Variants in FAM83B observed in about 807,000 individuals in gnomAD.
The protein encoded by FAM83B is scaffolding CK1 anchoring protein B, also known as protein FAM83B.
FAM83B carries 26 observed loss-of-function variants against 38.8 expected under a neutral mutation model. That is an observed-to-expected ratio of 0.67 (90% CI 0.49 to 0.93). The LOEUF (loss-of-function observed/expected upper bound fraction) is 0.93. FAM83B is among the 40% of genes least tolerant of loss of function. The pLI, the probability that FAM83B is intolerant of heterozygous loss-of-function variation, is 0.00. For synonymous variants in FAM83B, 419 were observed against 423.1 expected (o/e 0.99, Z 0.12); for missense variants, 1,237 against 1,197.3 (o/e 1.03, Z -0.49).
chr6:54,936,179 A>G (rs1363026607), intron 4 of FAM83B, among the ~76,000 whole-genome samples: 1 of 152,154 alleles, frequency 6.6e-6, no homozygotes, highest in East Asian at 1.9e-4. Context: ...TACTGAATAT[A>G]TTCAATGAAT....
chr6:54,899,509 G>A (rs239846), intron 2 of FAM83B, among the ~76,000 whole-genome samples: 30,358 of 152,132 alleles, frequency 0.2, 3,447 homozygotes, highest in African/African-American at 0.31. Flanking sequence ...CATAAGCAGA[G>A]CAGCTTTTAA....
At chr6:54,865,028 TTTAC>T (rs1195164627) in intron 1 of FAM83B, among the ~76,000 whole-genome samples, 3 of 152,234 alleles carry the variant, frequency 2.0e-5, no homozygotes, top group Non-Finnish European at 4.4e-5. Flanking sequence ...AAATGGTAAA[TTTAC>T]TTGGTAATTT....
chr6:54,848,735 G>A (rs920257671), intron 1 of FAM83B, among the ~76,000 whole-genome samples: 1 of 152,280 alleles, frequency 6.6e-6, no homozygotes, highest in South Asian at 2.1e-4. Flanking sequence ...TTGCCAAAAT[G>A]TAATGTTATT....
intron 2 of FAM83B, among the ~76,000 whole-genome samples, chr6:54,906,921 A>G (rs893096764): frequency 6.6e-6 from 1 of 152,190 alleles, no homozygotes; most frequent in Non-Finnish European, 1.5e-5. Flanking sequence ...TGTCTAATAT[A>G]TATTTGTGAA....
intron 2 of FAM83B, among the ~76,000 whole-genome samples, chr6:54,917,498 C>G (rs1203925143): frequency 1.3e-5 from 2 of 151,898 alleles, no homozygotes; most frequent in African/African-American, 4.8e-5. Flanking sequence ...TTAATGCATA[C>G]CTATATTCAT....
chr6:54,883,006 C>T (rs9382391), intron 2 of FAM83B, among the ~76,000 whole-genome samples: 44,585 of 152,030 alleles, frequency 0.29, 8,453 homozygotes, highest in East Asian at 0.8. Context: ...TGCAGTGGCG[C>T]GATCTCAGCT....
chr6:54,878,821 A>G (rs968959411), intron 2 of FAM83B, among the ~76,000 whole-genome samples: 1 of 147,686 alleles, frequency 6.8e-6, no homozygotes, highest in Admixed American at 6.7e-5. Flanking sequence ...AATATTGAAA[A>G]TTGACTGTAG....
At chr6:54,937,700 G>A (rs78815167) in intron 4 of FAM83B, among the ~76,000 whole-genome samples, 4,465 of 152,122 alleles carry the variant, frequency 0.029, 201 homozygotes, top group African/African-American at 0.1. Context: ...GGAAAGTGAA[G>A]CCCAAGCTCA....
At chr6:54,897,284 C>T (rs904074221) in intron 2 of FAM83B, among the ~76,000 whole-genome samples, 6 of 151,126 alleles carry the variant, frequency 4.0e-5, no homozygotes, top group Admixed American at 2.6e-4. Context: ...CAGTCATGGG[C>T]ACAATGATTA....
rs533135012 is a variant in FAM83B, at chr6:54,851,937, G to A, written c.-61+5111G>A. On this transcript the variant is annotated intron_variant, in intron 1 of 4. Coordinates refer to ENST00000306858, the MANE Select transcript of FAM83B (RefSeq NM_001010872.3). ...GCTGGGATTACAGGCGTGAGCCACC[G>A]CGCCCGGCCTAATTTTTGTGTTTTT... Among the ~76,000 whole-genome samples the A allele has an allele frequency of 9.9e-5, 15 of 151,692 alleles. No homozygotes were observed. The South Asian group carries it at 1.0e-3, about 11-fold the overall frequency.
rs757468814 is a variant in FAM83B at position 54,940,772 on chromosome 6, A to G, written c.1801A>G (p.Lys601Glu). ...TDKPLPESIP[K>E]LPLQSEAPKM... Reference sequence around the variant, plus strand: ...CAAACCCTTGCCAGAATCAATCCCCAAGCTCCCATTGCAGTCAGAGGCACC... The same window carrying G: ...CAAACCCTTGCCAGAATCAATCCCCGAGCTCCCATTGCAGTCAGAGGCACC... The change falls in exon 5 of 5, where the codon AAG (lysine) becomes GAG (glutamate). Residue 601 changes from lysine to glutamate, a missense_variant. Transcript: ENST00000306858. 5 of 1,613,828 alleles carry G rather than the reference A, an allele frequency of 3.1e-6. No homozygotes were observed. Among genetic ancestry groups the G allele is most frequent in the Non-Finnish European group, 4.2e-6 (5 of 1,179,996 alleles).
At chr6:54,916,590 A>G (rs239805) in intron 2 of FAM83B, among the ~76,000 whole-genome samples, 30,323 of 152,058 alleles carry the variant, frequency 0.2, 3,458 homozygotes, top group African/African-American at 0.31. Flanking sequence ...CAATATACAC[A>G]CTAAATCCCA....
intron 2 of FAM83B, among the ~76,000 whole-genome samples, chr6:54,890,778 C>T (rs541357046): frequency 1.6e-4 from 25 of 152,080 alleles, no homozygotes; most frequent in African/African-American, 5.8e-4. Flanking sequence ...TAAAAATTTA[C>T]ACATTTATCA....
chr6:54,908,326 T>C (rs1237753638), intron 2 of FAM83B, among the ~76,000 whole-genome samples: 4 of 152,086 alleles, frequency 2.6e-5, no homozygotes, highest in Non-Finnish European at 5.9e-5. Context: ...ATTTTCACTG[T>C]TGAGATTCTA....
chr6:54,872,345 A>G (rs1771877628), intron 2 of FAM83B, among the ~76,000 whole-genome samples: 1 of 152,228 alleles, frequency 6.6e-6, no homozygotes, highest in African/African-American at 2.4e-5. Flanking sequence ...GTAAGGCAAC[A>G]GTACAAAATT....
chr6:54,937,941 C>A (rs1484586365), intron 4 of FAM83B, among the ~76,000 whole-genome samples: 1 of 151,876 alleles, frequency 6.6e-6, no homozygotes, highest in African/African-American at 2.4e-5. Flanking sequence ...TGGATAAGTT[C>A]TTTAGTGATG....
In FAM83B at chr6:54,870,764, G is replaced by A; in HGVS notation, c.444+74G>A. Reference sequence around the variant, plus strand: ...GTAGAGAGAGTAATAACACAAATATGTATGTTAATAAAAGAATCTCTATAT... The same window carrying A: ...GTAGAGAGAGTAATAACACAAATATATATGTTAATAAAAGAATCTCTATAT... On this transcript the variant is annotated intron_variant, in intron 2 of 4. Transcript: ENST00000306858. 8.3e-6 allele frequency: 11 copies of A among 1,331,796 alleles called. No individual in the cohort carries two copies. The South Asian group carries it at 1.0e-4, about 13-fold the overall frequency. 82.5% of individuals were successfully genotyped at this position (1,331,796 alleles called of 1,614,324 possible).
At chr6:54,916,850 TA>T (rs1477432321) in intron 2 of FAM83B, among the ~76,000 whole-genome samples, 9 of 152,240 alleles carry the variant, frequency 5.9e-5, no homozygotes, top group African/African-American at 2.2e-4. Context: ...TATCTACTTT[TA>T]TATGTTATGT....
chr6:54,867,006 C>T (rs1250075957), intron 1 of FAM83B, among the ~76,000 whole-genome samples: 1 of 151,372 alleles, frequency 6.6e-6, no homozygotes, highest in Non-Finnish European at 1.5e-5. Context: ...ATTTGTAAGG[C>T]CACTTTTTTT....
Sources: gnomAD v4.1 joint callset for allele counts (sites outside exome capture counted in the v4.1 genomes callset) on GRCh38, gnomAD v4.1.1 for gene constraint, MANE v1.5 for transcripts, NCBI Gene and HGNC (gene_info 2026-07-23, HGNC 2026-07-21) for gene names.